RMDN2: variants seen among roughly 807,000 people sequenced by gnomAD.
RMDN2 encodes regulator of microtubule dynamics protein 2.
RMDN2 carries 61 observed loss-of-function variants against 52.8 expected under a neutral mutation model. That is an observed-to-expected ratio of 1.16 (90% CI 0.94 to 1.43). The LOEUF is 1.43. Ranked by LOEUF, RMDN2 falls within the 40% of genes most tolerant of loss-of-function variation. RMDN2 has a pLI of 0.00. For missense variants in RMDN2, 592 were observed against 475.3 expected (o/e 1.25, Z -2.28); for synonymous variants, 180 against 153.1 (o/e 1.18, Z -1.30).
intron 5 of RMDN2, 83 bp downstream of exon 5, chr2:37,981,426 C>T (rs904003100): frequency 9.2e-6 from 8 of 865,130 alleles, no homozygotes; most frequent in Admixed American, 4.0e-5. Flanking sequence ...ATACTATTGA[C>T]TCATACGTTT....
At position 37,972,633 on chromosome 2, in the gene RMDN2, A is replaced by G. The variant is rs116407829; in HGVS notation, c.453-1407A>G. On this transcript the variant is annotated intron_variant, in intron 2 of 10. Transcript: ENST00000354545. ...TGCTACTCTGTTGAGAATAGAATAT[A>G]AGGGTCAAGGACTAAAGCAAAGAGG... 2.5e-3 allele frequency among the ~76,000 whole-genome samples: 379 copies of G among 152,310 alleles called. 3 individuals are homozygous for G. Among genetic ancestry groups the G allele is most frequent in the East Asian group, 9.8e-3 (51 of 5,188 alleles).
At chr2:37,940,521 A>G (rs1414439413) in intron 2 of RMDN2, among the ~76,000 whole-genome samples, 1 of 152,196 alleles carries the variant, frequency 6.6e-6, no homozygotes, top group Non-Finnish European at 1.5e-5. Flanking sequence ...AGGTGCACCA[A>G]ACAAACACAG....
In RMDN2 at chr2:37,985,431, A is replaced by C. The variant is rs1673874120; in HGVS notation, c.791+4088A>C. On this transcript the variant is annotated intron_variant, in intron 5 of 10. Coordinates refer to ENST00000354545, the MANE Select transcript of RMDN2 (RefSeq NM_001170791.3). ...AGTAGAGTAGGGAAATCAATCCAGT[A>C]TACCTGGATTGAAGTAAAGCACTGA... is the stretch of plus-strand genomic sequence containing the variant. Among the ~76,000 whole-genome samples, 6 of 152,238 alleles carry C rather than the reference A, an allele frequency of 3.9e-5. No homozygotes were observed. The South Asian group carries it at 1.2e-3, about 32-fold the overall frequency.
rs374599415 is a variant in RMDN2 at position 37,981,262 on chromosome 2, G to T, written c.731-21G>T. The T allele has an allele frequency of 2.8e-6, 4 of 1,439,994 alleles. No homozygotes were observed. The African/African-American group carries it at 5.6e-5, about 20-fold the overall frequency. 89.2% of individuals were successfully genotyped at this position (1,439,994 alleles called of 1,614,324 possible). A position where few individuals can be genotyped will look rare whatever the true frequency, so the allele number is the denominator to read the frequency against. On this transcript the variant is annotated intron_variant, in intron 4 of 10. Coordinates refer to ENST00000354545, the MANE Select transcript of RMDN2 (RefSeq NM_001170791.3). ...ACCAACTCACATGAAGGTATTAAGT[G>T]TAAGTACTTTTATCTTTCAGGAAAA...
chr2:37,960,640 C>T (rs1473312853), intron 2 of RMDN2, among the ~76,000 whole-genome samples: 1 of 152,116 alleles, frequency 6.6e-6, no homozygotes, highest in East Asian at 1.9e-4. Context: ...AGTCAATTTA[C>T]ATTTAAGGTT....
Position 38,004,010 on chromosome 2 carries a change from G to A in RMDN2, c.1064G>A (p.Gly355Asp). 6.2e-7 allele frequency: 1 copy of A among 1,613,146 alleles called. No individual in the cohort carries two copies. Among genetic ancestry groups the A allele is most frequent in the East Asian group, 2.2e-5 (1 of 44,792 alleles). Residue 355 changes from glycine to aspartate, a missense_variant, in exon 9 of 11, where the codon GGT becomes GAT. Physicochemically the swap from Gly to Asp is moderately conservative, Grantham distance 94. Transcript: ENST00000354545. ...NFLKAEELCP[G>D]YSNPNYMYLA... ...AATCAGGCTGAAGAACTATGCCCTG[G>A]TTATTCTAATCCCAATTACATGTAC...
At chr2:38,003,100 G>A (rs1676532681) in intron 8 of RMDN2, 1 of 152,218 alleles carries the variant, frequency 6.6e-6, no homozygotes, top group East Asian at 1.9e-4. Context: ...TGAACTGGAT[G>A]TTTCAAGGAT....
intron 10 of RMDN2, among the ~76,000 whole-genome samples, chr2:38,060,113 ATTTT>A (rs1681987740): frequency 1.8e-5 from 1 of 56,180 alleles, no homozygotes; most frequent in East Asian, 5.9e-4. Context: ...ATTTTATTTT[ATTTT>A]ATTTTTTTTA....
intron 2 of RMDN2, among the ~76,000 whole-genome samples, chr2:37,967,672 C>G (rs141082566): frequency 2.0e-3 from 297 of 152,284 alleles, no homozygotes; most frequent in African/African-American, 6.7e-3. Flanking sequence ...TCTTCTCCAC[C>G]ATGATGATAC....
In RMDN2 at chr2:38,017,719, C is replaced by T. The variant is rs912497315; in HGVS notation, c.*480C>T. 1 of 384,992 alleles carries T rather than the reference C, an allele frequency of 2.6e-6. No homozygotes were observed. Among genetic ancestry groups the T allele is most frequent in the Non-Finnish European group, 4.7e-6 (1 of 212,960 alleles). The allele number at this position is 384,992 out of a possible 1,614,324, so 23.8% of individuals were successfully genotyped here. On this transcript the variant is annotated 3_prime_UTR_variant, in exon 11 of 11. Transcript: ENST00000354545. ...TAATCAAAAGATGTGAATAAAATTA[C>T]AATAAAATACTGTTTTACCATCAAA...
intron 2 of RMDN2, among the ~76,000 whole-genome samples, chr2:37,938,854 G>T (rs551852486): frequency 6.6e-6 from 1 of 152,120 alleles, no homozygotes; most frequent in Non-Finnish European, 1.5e-5. Flanking sequence ...CCAGCTCCTG[G>T]ATTCACTGAT....
downstream of RMDN2, chr2:38,017,764 A>T (rs919670672): frequency 6.7e-5 from 20 of 299,242 alleles, no homozygotes; most frequent in African/African-American, 4.2e-4. Flanking sequence ...ACTCGTGTCC[A>T]TGTGAAGAGA....
intron 8 of RMDN2, among the ~76,000 whole-genome samples, chr2:38,001,064 C>T (rs1676254635): frequency 6.6e-6 from 1 of 152,184 alleles, no homozygotes; most frequent in Admixed American, 6.5e-5. Context: ...GTCATATGAT[C>T]CCTGAGTCTG....
downstream of RMDN2, among the ~76,000 whole-genome samples, chr2:38,018,374 T>G (rs1679075576): frequency 6.6e-6 from 1 of 152,200 alleles, no homozygotes; most frequent in Admixed American, 6.5e-5. Flanking sequence ...TGGTAAAATT[T>G]ATCGAGAGCC....
At chr2:37,931,163 C>G (rs946505197) in intron 2 of RMDN2, among the ~76,000 whole-genome samples, 1 of 152,178 alleles carries the variant, frequency 6.6e-6, no homozygotes, top group Non-Finnish European at 1.5e-5. Flanking sequence ...CTTCCTAGAG[C>G]TATCATTTGT....
At chr2:37,970,723 A>G (rs1330401773) in intron 2 of RMDN2, among the ~76,000 whole-genome samples, 1 of 152,170 alleles carries the variant, frequency 6.6e-6, no homozygotes, top group Admixed American at 6.5e-5. Context: ...TTCTGATGTA[A>G]TTCATTTAAT....
intron 2 of RMDN2, among the ~76,000 whole-genome samples, chr2:37,972,046 C>G (rs981190995): frequency 6.6e-5 from 10 of 152,060 alleles, no homozygotes; most frequent in African/African-American, 2.4e-4. Context: ...TTATAATTTT[C>G]TCCATTGAAT....
intron 10 of RMDN2, chr2:38,029,259 C>T (rs919081526): frequency 6.6e-6 from 1 of 152,198 alleles, no homozygotes; most frequent in African/African-American, 2.4e-5. Flanking sequence ...ACCTGGCACT[C>T]TTCTGCCCTT....
intron 10 of RMDN2, among the ~76,000 whole-genome samples, chr2:38,040,057 T>TA (rs1295809593): frequency 3.5e-5 from 5 of 144,152 alleles, no homozygotes; most frequent in African/African-American, 1.1e-4. Context: ...TTATTATTAT[T>TA]ATTATTATTA....
Sources: allele counts gnomAD v4.1 joint callset (sites outside exome capture counted in the v4.1 genomes callset), GRCh38; gene constraint gnomAD v4.1.1; transcripts MANE v1.5; gene names NCBI Gene and HGNC (gene_info 2026-07-23, HGNC 2026-07-21).